The following COLEC10 variants were observed in gnomAD, a reference collection of about 807,000 sequenced individuals.
COLEC10 encodes the protein collectin subfamily member 10.
In COLEC10, 22 loss-of-function variants were observed where a neutral mutation model predicts 28.4. The observed-to-expected ratio is 0.78, with a 90% CI of 0.55 to 1.11. COLEC10 has a LOEUF of 1.11. Among genes scored for constraint, COLEC10 ranks in the 50% least tolerant of loss-of-function variants. COLEC10 has a pLI of 0.00. For synonymous variants in COLEC10, 125 were observed against 116.1 expected (o/e 1.08, Z -0.49); for missense variants, 361 against 344.1 (o/e 1.05, Z -0.39).
At chr8:118,986,930 T>A in the COLEC10 span, among the ~76,000 whole-genome samples, 4 of 152,148 alleles carry the variant, frequency 2.6e-5, no homozygotes, top group African/African-American at 9.6e-5. Context: ...GGGATTTCTT[T>A]TAGGGTGTTG....
At chr8:119,101,463 A>T (rs1815824231) in intron 3 of COLEC10, among the ~76,000 whole-genome samples, 1 of 152,172 alleles carries the variant, frequency 6.6e-6, no homozygotes, top group Admixed American at 6.5e-5. Context: ...AAAAAAATTA[A>T]CGTGTTTTAT....
At chr8:118,967,172 C>A in the COLEC10 span, among the ~76,000 whole-genome samples, 1 of 151,964 alleles carries the variant, frequency 6.6e-6, no homozygotes, top group Non-Finnish European at 1.5e-5. Flanking sequence ...CTTGGCATGC[C>A]AAATTAAAAT....
chr8:119,106,030 A>G lies in COLEC10; in HGVS notation c.673A>G (p.Asn225Asp), dbSNP rs755106362. ...GGAGGGACAGTACATGTTCACAGAC[A>G]ACACTCCACTGCAGAACTATAGCAA... ...EREGQYMFTD[N>D]TPLQNYSNWN... is the part of the protein sequence containing the mutation. The change falls in exon 6 of 6, where the codon AAC (asparagine) becomes GAC (aspartate). Residue 225 changes from asparagine (N) to aspartate (D), a missense_variant. Coordinates refer to ENST00000332843, the MANE Select transcript of COLEC10 (RefSeq NM_006438.5). 2 of 1,613,868 alleles carry G rather than the reference A, an allele frequency of 1.2e-6. No homozygotes were observed. Among genetic ancestry groups the G allele is most frequent in the East Asian group, 2.2e-5 (1 of 44,866 alleles).
the COLEC10 span, among the ~76,000 whole-genome samples, chr8:118,986,777 A>G: frequency 1.3e-5 from 2 of 152,190 alleles, no homozygotes; most frequent in Admixed American, 1.3e-4. Context: ...TAAGTGAAAG[A>G]AGCCAGTCAC....
chr8:119,076,105 G>T, intron 1 of COLEC10, among the ~76,000 whole-genome samples: 1 of 133,166 alleles, frequency 7.5e-6, no homozygotes, highest in Admixed American at 7.9e-5. Context: ...TAGAGACGGG[G>T]TTTCACCATG....
chr8:119,103,713 T>G (rs573096483), intron 4 of COLEC10, 87 bp from the exon 5 acceptor site: 1 of 780,336 alleles, frequency 1.3e-6, no homozygotes, highest in African/African-American at 1.7e-5. Flanking sequence ...TAGAAAAAGA[T>G]AGTGAATATT....
intron 1 of COLEC10, among the ~76,000 whole-genome samples, chr8:119,070,541 TCTCC>T: frequency 4.5e-5 from 3 of 66,178 alleles, no homozygotes; most frequent in East Asian, 4.9e-4. Context: ...TCCATCTCTC[TCTCC>T]CTCTCCCTCT....
At chr8:119,064,600 A>G (rs1449851199), upstream of COLEC10, among the ~76,000 whole-genome samples, 2 of 152,218 alleles carry the variant, frequency 1.3e-5, no homozygotes, top group African/African-American at 2.4e-5. Context: ...TCTGGCTATG[A>G]CACATGTAAA....
intron 2 of COLEC10, among the ~76,000 whole-genome samples, chr8:119,035,842 A>G (rs915288658): frequency 1.3e-5 from 2 of 152,190 alleles, no homozygotes; most frequent in Non-Finnish European, 2.9e-5. Context: ...TTTTGAAGTC[A>G]GTTTCAATAG....
At chr8:119,023,977 G>A (rs903044461) in intron 2 of COLEC10, among the ~76,000 whole-genome samples, 13 of 152,190 alleles carry the variant, frequency 8.5e-5, no homozygotes, top group Admixed American at 1.3e-4. Flanking sequence ...ATTCCTTCTA[G>A]ATAGTTCCAT....
chr8:119,098,268 T>C (rs1475257126), intron 3 of COLEC10, among the ~76,000 whole-genome samples: 2 of 152,052 alleles, frequency 1.3e-5, no homozygotes, highest in African/African-American at 4.8e-5. Flanking sequence ...GGGAGCATAG[T>C]AGATGACGAA....
At chr8:119,066,364 A>G (rs939409474), upstream of COLEC10, among the ~76,000 whole-genome samples, 1 of 152,178 alleles carries the variant, frequency 6.6e-6, no homozygotes, top group African/African-American at 2.4e-5. Flanking sequence ...CTCTGTATCT[A>G]TATCTGTATC....
At chr8:119,029,747 A>T (rs1402084084) in intron 2 of COLEC10, among the ~76,000 whole-genome samples, 1 of 152,198 alleles carries the variant, frequency 6.6e-6, no homozygotes, top group Non-Finnish European at 1.5e-5. Flanking sequence ...ATAGTTCTAC[A>T]TAAAGTGACT....
At chr8:119,058,433 C>T (rs1814799583) in intron 2 of COLEC10, among the ~76,000 whole-genome samples, 1 of 152,098 alleles carries the variant, frequency 6.6e-6, no homozygotes, top group South Asian at 2.1e-4. Context: ...CTCCCACTCT[C>T]AGCCCCAGGC....
chr8:119,074,152 G>A (rs1245809069), intron 1 of COLEC10, among the ~76,000 whole-genome samples: 1 of 152,010 alleles, frequency 6.6e-6, no homozygotes, highest in African/African-American at 2.4e-5. Context: ...GGCTAGGAAG[G>A]GGAGTGGGGG....
chr8:119,083,533 A>C (rs530585546), intron 1 of COLEC10, among the ~76,000 whole-genome samples: 3 of 152,216 alleles, frequency 2.0e-5, no homozygotes, highest in East Asian at 3.9e-4. Context: ...GAAAGCAAAA[A>C]ATGCTCAGTA....
At chr8:119,103,069 G>T (rs1367181320) in intron 4 of COLEC10, among the ~76,000 whole-genome samples, 1 of 152,024 alleles carries the variant, frequency 6.6e-6, no homozygotes, top group Non-Finnish European at 1.5e-5. Context: ...GAAAAAAATT[G>T]AAATGTTTGT....
In COLEC10 at chr8:119,031,044, C is replaced by T. The variant is rs189990480; in HGVS notation, n.235+21491C>T. On this transcript the variant is annotated intron_variant and non_coding_transcript_variant, in intron 2 of 6. Coordinates refer to the COLEC10 transcript ENST00000521788. ...AAGATGTAGAGTGATGCCAGTGTTACATCATATTCCAAACCAGATTAAACG... is the reference window on the plus strand; with the variant it reads ...AAGATGTAGAGTGATGCCAGTGTTATATCATATTCCAAACCAGATTAAACG... Among the ~76,000 whole-genome samples, 221 of 152,288 alleles carry T rather than the reference C, an allele frequency of 1.5e-3. 3 individuals carry two copies. The highest frequency in any genetic ancestry group is 3.2e-4 in the Non-Finnish European group (22 of 68,030).
intron 1 of COLEC10, among the ~76,000 whole-genome samples, chr8:119,074,594 G>A (rs773096005): frequency 4.6e-5 from 7 of 152,058 alleles, no homozygotes; most frequent in Non-Finnish European, 1.0e-4. Flanking sequence ...CTAAAGAAAG[G>A]CTCATAGATT....
Sources: gnomAD v4.1 joint callset for allele counts (sites outside exome capture counted in the v4.1 genomes callset) on GRCh38, gnomAD v4.1.1 for gene constraint, MANE v1.5 for transcripts, NCBI Gene and HGNC (gene_info 2026-07-23, HGNC 2026-07-21) for gene names.